The following LRRC4C variants were observed in gnomAD, a reference collection of about 807,000 sequenced individuals.
The protein encoded by LRRC4C is leucine-rich repeat-containing protein 4C.
A neutral mutation model predicts 33.6 loss-of-function variants in LRRC4C; 5 were observed. That is an observed-to-expected ratio of 0.15 (90% CI 0.08 to 0.31). The LOEUF is 0.31. Among genes scored for constraint, LRRC4C ranks in the 10% least tolerant of loss-of-function variants. The probability of loss-of-function intolerance (pLI) is 1.00; values close to 1 mark genes in which losing one functional copy is unlikely to be tolerated. For missense variants in LRRC4C, 560 were observed against 796.7 expected (o/e 0.70, Z 3.58); for synonymous variants, 329 against 302.0 (o/e 1.09, Z -0.93).
intron 3 of LRRC4C, among the ~76,000 whole-genome samples, chr11:40,336,890 T>C (rs1347793909): frequency 7.3e-6 from 1 of 137,598 alleles, no homozygotes; most frequent in Admixed American, 8.1e-5. Context: ...GGCAGGAGAA[T>C]GGCGTGAACC....
rs1944980405 is a variant in LRRC4C, at chr11:40,686,787, G to C, written c.-406-38509C>G. 2.0e-5 allele frequency among the ~76,000 whole-genome samples: 3 copies of C among 151,902 alleles called. No individual in the cohort carries two copies. In the South Asian group the frequency reaches 6.3e-4, roughly 32 times the overall value. ...AATCTCTATTATAACCATATTATAG[G>C]GTACATCTGCTACGAGATTGGTAGA... is the stretch of plus-strand genomic sequence containing the variant. On this transcript the variant is annotated intron_variant, in intron 2 of 6. Transcript: ENST00000528697.
At chr11:41,182,563 T>C (rs1945500079) in intron 1 of LRRC4C, among the ~76,000 whole-genome samples, 2 of 152,178 alleles carry the variant, frequency 1.3e-5, no homozygotes, top group Admixed American at 1.3e-4. Context: ...AATAATAATC[T>C]ATTTCATGAA....
chr11:40,146,841 A>G (rs1469089829), intron 5 of LRRC4C, among the ~76,000 whole-genome samples: 1 of 152,192 alleles, frequency 6.6e-6, no homozygotes, highest in African/African-American at 2.4e-5. Flanking sequence ...TTCCTGCTCA[A>G]CACTGGTATC....
intron 1 of LRRC4C, among the ~76,000 whole-genome samples, chr11:41,127,003 A>G (rs1942775178): frequency 6.6e-6 from 1 of 152,208 alleles, no homozygotes; most frequent in Admixed American, 6.5e-5. Context: ...TTACTTCTAT[A>G]TAAGGTAAAT....
intron 3 of LRRC4C, among the ~76,000 whole-genome samples, chr11:40,640,866 A>C (rs1436889197): frequency 6.6e-6 from 1 of 151,966 alleles, no homozygotes; most frequent in African/African-American, 2.4e-5. Flanking sequence ...AATACAAAAA[A>C]TCAGCCGGGC....
At chr11:40,948,034 T>G (rs1469931259) in intron 1 of LRRC4C, among the ~76,000 whole-genome samples, 1 of 152,158 alleles carries the variant, frequency 6.6e-6, no homozygotes, top group Non-Finnish European at 1.5e-5. Flanking sequence ...TGGTGAAAAG[T>G]AGAATTCAGT....
At position 40,739,853 on chromosome 11, in the gene LRRC4C, C is replaced by T. The variant is rs72896697; in HGVS notation, c.-406-91575G>A. Among the ~76,000 whole-genome samples, 582 of 151,860 alleles carry T rather than the reference C, an allele frequency of 3.8e-3. 3 individuals carry two copies. The highest frequency in any genetic ancestry group is 6.8e-3 in the Middle Eastern group (2 of 294). On this transcript the variant is annotated intron_variant, in intron 2 of 6. Transcript: ENST00000528697. ...TAAACCTCTTTTCTTTATGGATTAC[C>T]CAGTCTCAGGTAGCAGTGTGAGAAA...
At chr11:41,078,107 C>G (rs185450012) in intron 1 of LRRC4C, among the ~76,000 whole-genome samples, 43 of 152,320 alleles carry the variant, frequency 2.8e-4, no homozygotes, top group African/African-American at 1.0e-3. Context: ...ACCACCTCAG[C>G]CTGGACTTTA....
chr11:40,812,603 T>C (rs190121636), intron 2 of LRRC4C, among the ~76,000 whole-genome samples: 37 of 152,048 alleles, frequency 2.4e-4, no homozygotes, highest in Admixed American at 1.0e-3. Context: ...AACATAAAAA[T>C]AAGAATAGGA....
rs372360839 is a variant in LRRC4C, at chr11:40,952,353, C to A, written c.-495-18630G>T. Among the ~76,000 whole-genome samples, 3 of 151,992 alleles carry A rather than the reference C, an allele frequency of 2.0e-5. No homozygotes were observed. The East Asian group carries it at 5.8e-4, about 30-fold the overall frequency. On this transcript the variant is annotated intron_variant, in intron 1 of 6. Coordinates refer to ENST00000528697, the MANE Select transcript of LRRC4C (RefSeq NM_001258419.2). ...CAGGTTGGCTGGCTTCGAAAGCTAC[C>A]TTTAAAACTTTCTCTTCTTTCCCCC...
At chr11:41,155,619 T>A (rs1247771109) in intron 1 of LRRC4C, among the ~76,000 whole-genome samples, 1 of 151,972 alleles carries the variant, frequency 6.6e-6, no homozygotes, top group Non-Finnish European at 1.5e-5. Context: ...CCAGTTCTTG[T>A]CTGGCTAAAG....
chr11:41,099,989 G>T (rs1458056181), intron 1 of LRRC4C, among the ~76,000 whole-genome samples: 3 of 152,046 alleles, frequency 2.0e-5, no homozygotes, highest in Admixed American at 2.0e-4. Flanking sequence ...CTTGAGCAAA[G>T]TCTCGGGATA....
chr11:41,303,446 C>A (rs1467851865), intron 1 of LRRC4C, among the ~76,000 whole-genome samples: 3 of 132,620 alleles, frequency 2.3e-5, no homozygotes, highest in African/African-American at 8.3e-5. Context: ...ACAACCTACA[C>A]CTCCCAGCCG....
intron 5 of LRRC4C, among the ~76,000 whole-genome samples, chr11:40,147,279 C>A (rs1476434178): frequency 1.3e-5 from 2 of 152,130 alleles, no homozygotes; most frequent in Non-Finnish European, 2.9e-5. Flanking sequence ...CTACTCTGTA[C>A]CCTATACGAC....
chr11:40,317,617 C>T (rs900594720), intron 4 of LRRC4C, among the ~76,000 whole-genome samples: 38 of 152,092 alleles, frequency 2.5e-4, no homozygotes. Context: ...ACTGAAACGT[C>T]TCTCTGCATG....
At chr11:40,200,784 A>G (rs4756584) in intron 5 of LRRC4C, among the ~76,000 whole-genome samples, 23,756 of 79,364 alleles carry the variant, frequency 0.3, 3,000 homozygotes, top group Middle Eastern at 0.43. Context: ...AAAAAAAAAA[A>G]AAAAGAAAAG....
rs1476989632 is a variant in LRRC4C, at chr11:40,648,229, G to A, written c.-357C>T. On this transcript the variant is annotated 5_prime_UTR_variant, in exon 3 of 7. Transcript: ENST00000528697. ...GGCGATTCCAAAGTAGTCTCAGGAT[G>A]TTTCCATATTGTTAATCCGCATAAG... The A allele has an allele frequency of 6.6e-6, 1 of 152,150 alleles. No homozygotes were observed. The highest frequency in any genetic ancestry group is 1.5e-5 in the Non-Finnish European group (1 of 68,022). The allele number at this position is 152,150 out of a possible 1,614,324, so 9.4% of individuals were successfully genotyped here.
intron 1 of LRRC4C, among the ~76,000 whole-genome samples, chr11:40,975,339 A>C (rs1208074539): frequency 6.6e-6 from 1 of 152,206 alleles, no homozygotes. Flanking sequence ...GTACTAGATT[A>C]TCTAACTACT....
intron 3 of LRRC4C, among the ~76,000 whole-genome samples, chr11:40,452,969 G>T (rs2138098407): frequency 6.6e-6 from 1 of 150,578 alleles, no homozygotes; most frequent in South Asian, 2.1e-4. Flanking sequence ...CTCATCGGTG[G>T]GAATCGAACA....
Sources: gnomAD v4.1 joint callset for allele counts (sites outside exome capture counted in the v4.1 genomes callset) on GRCh38, gnomAD v4.1.1 for gene constraint, MANE v1.5 for transcripts, NCBI Gene and HGNC (gene_info 2026-07-23, HGNC 2026-07-21) for gene names.